Variants in COMMD6 observed in about 807,000 individuals in gnomAD.
COMMD6 encodes the protein COMM domain containing 6.
Under a neutral mutation model 13.4 loss-of-function variants are expected in COMMD6, and 11 were observed. The observed-to-expected ratio is 0.82, with a 90% CI of 0.52 to 1.36. The LOEUF (loss-of-function observed/expected upper bound fraction) is 1.36, where lower values mean the gene tolerates loss of function less well. Among genes scored for constraint, COMMD6 ranks in the 40% most tolerant of loss-of-function variants. COMMD6 has a pLI of 0.00. For missense variants in COMMD6, 124 were observed against 102.4 expected, an observed-to-expected ratio of 1.21 and a Z score of -0.91; for synonymous variants, 43 against 36.5, an observed-to-expected ratio of 1.18 and a Z score of -0.64.
At chr13:75,531,874 G>T (rs2030490288) in intron 2 of COMMD6, among the ~76,000 whole-genome samples, 1 of 152,144 alleles carries the variant, frequency 6.6e-6, no homozygotes, top group African/African-American at 2.4e-5. Context: ...AAAACTTTTT[G>T]AATATGTACA....
At position 75,530,284 on chromosome 13, in the gene COMMD6, A is replaced by G; in HGVS notation, c.55-18T>C. ...TCTACAAGCTTTAATAAGACAGGAC[A>G]AAATAATACATTAGTAGTAACATTA... is the stretch of plus-strand genomic sequence containing the variant. On this transcript the variant is annotated intron_variant, in intron 2 of 3. Transcript: ENST00000682242. The G allele has an allele frequency of 1.9e-6, 3 of 1,585,800 alleles. No individual in the cohort carries two copies. The highest frequency in any genetic ancestry group is 2.6e-6 in the Non-Finnish European group (3 of 1,162,764).
upstream of COMMD6, among the ~76,000 whole-genome samples, chr13:75,542,455 A>T (rs1234554084): frequency 1.3e-5 from 2 of 151,954 alleles, no homozygotes; most frequent in African/African-American, 4.8e-5. Flanking sequence ...ATGCCCAGCT[A>T]ATTTTGTATT....
At chr13:75,536,496 T>C (rs937854759) in intron 2 of COMMD6, among the ~76,000 whole-genome samples, 5 of 152,160 alleles carry the variant, frequency 3.3e-5, no homozygotes, top group Admixed American at 6.5e-5. Context: ...GATGTGGAGA[T>C]TTTCCTGGAT....
exon 1 of COMMD6, chr13:75,549,420 TCGGTTGACACTGCAAGAATGGGAAGGTG>T (rs2030986823): frequency 9.2e-6 from 2 of 217,754 alleles, no homozygotes; most frequent in Non-Finnish European, 1.8e-5. Context: ...CCTAGCGCAG[TCGGTTGACACTGCAAGAATGGGAAGGTG>T]CGGGTGACCA....
intron 1 of COMMD6, among the ~76,000 whole-genome samples, chr13:75,544,526 G>A (rs2030872726): frequency 6.6e-6 from 1 of 152,140 alleles, no homozygotes; most frequent in Non-Finnish European, 1.5e-5. Context: ...ACTTTGGGAG[G>A]CTGAGGTGGG....
intron 2 of COMMD6, among the ~76,000 whole-genome samples, chr13:75,536,591 G>A (rs889327706): frequency 6.6e-6 from 1 of 152,262 alleles, no homozygotes; most frequent in Non-Finnish European, 1.5e-5. Context: ...ATGTGACAAC[G>A]GAAGCAGAGG....
At chr13:75,532,018 TA>T in intron 2 of COMMD6, among the ~76,000 whole-genome samples, 1 of 152,350 alleles carries the variant, frequency 6.6e-6, no homozygotes, top group Non-Finnish European at 1.5e-5. Flanking sequence ...CAATTACACG[TA>T]AAACCAAAAA....
chr13:75,526,555 A>C lies in COMMD6; in HGVS notation c.*34T>G, dbSNP rs746017039. ...CCGAAAGTGAAGTCCATGACTTTAG[A>C]ATGATAGCAATTTATCAACCAAAGA... is the stretch of plus-strand genomic sequence containing the variant. On this transcript the variant is annotated 3_prime_UTR_variant, in exon 4 of 4. Transcript: ENST00000682242. The C allele has an allele frequency of 3.3e-6, 5 of 1,502,894 alleles. No homozygotes were observed. The East Asian group carries it at 1.2e-4, about 35-fold the overall frequency. The allele number at this position is 1,502,894 out of a possible 1,614,324, so 93.1% of individuals were successfully genotyped here.
At chr13:75,547,655 G>T (rs2030926616) in intron 1 of COMMD6, among the ~76,000 whole-genome samples, 1 of 152,144 alleles carries the variant, frequency 6.6e-6, no homozygotes, top group African/African-American at 2.4e-5. Flanking sequence ...GACGGTGTAG[G>T]TTAAACTGTA....
intron 1 of COMMD6, among the ~76,000 whole-genome samples, chr13:75,544,255 T>G (rs1479844394): frequency 2.0e-5 from 3 of 152,158 alleles, no homozygotes; most frequent in African/African-American, 7.2e-5. Flanking sequence ...TAGGCCAAAT[T>G]TGGCCTACTC....
In COMMD6 at chr13:75,526,417, A is replaced by G. The variant is rs1038043969; in HGVS notation, c.*172T>C. 5.7e-5 allele frequency: 30 copies of G among 526,366 alleles called. No individual in the cohort carries two copies. The Middle Eastern group carries it at 3.0e-3, about 53-fold the overall frequency. The allele number at this position is 526,366 out of a possible 1,614,324, so 32.6% of individuals were successfully genotyped here. ...ATAAAGCACATTCACAAAGTTTTGCATTCATCACCACTACCCAGTTCCTGT... is the reference window on the plus strand; with the variant it reads ...ATAAAGCACATTCACAAAGTTTTGCGTTCATCACCACTACCCAGTTCCTGT... On this transcript the variant is annotated 3_prime_UTR_variant, in exon 4 of 4. Transcript: ENST00000682242.
At chr13:75,532,983 T>C (rs1006666740) in intron 2 of COMMD6, among the ~76,000 whole-genome samples, 4 of 150,160 alleles carry the variant, frequency 2.7e-5, no homozygotes, top group African/African-American at 9.8e-5. Flanking sequence ...CAGGCTGGAG[T>C]GCAGTGGCAC....
At chr13:75,530,020 C>T in intron 3 of COMMD6, 94 bp downstream of exon 3, 1 of 962,610 alleles carries the variant, frequency 1.0e-6, no homozygotes, top group Non-Finnish European at 1.6e-6. Flanking sequence ...CAAATAAAAA[C>T]CATTAAAGTT....
chr13:75,529,471 A>G, intron 3 of COMMD6, among the ~76,000 whole-genome samples: 1 of 150,894 alleles, frequency 6.6e-6, no homozygotes, highest in Admixed American at 6.7e-5. Context: ...CAGTGAGCCA[A>G]GATCGTGCCA....
intron 3 of COMMD6, among the ~76,000 whole-genome samples, chr13:75,528,028 C>G (rs1010732978): frequency 7.0e-6 from 1 of 142,920 alleles, no homozygotes; most frequent in Non-Finnish European, 1.6e-5. Context: ...CACACACACA[C>G]ACACATACAT....
chr13:75,544,591 T>C (rs2030873845), intron 1 of COMMD6, among the ~76,000 whole-genome samples: 1 of 151,942 alleles, frequency 6.6e-6, no homozygotes, highest in African/African-American at 2.4e-5. Flanking sequence ...GGTGAAACCC[T>C]GTCTTTACTA....
At chr13:75,530,803 T>C (rs1390728462) in intron 2 of COMMD6, among the ~76,000 whole-genome samples, 1 of 152,206 alleles carries the variant, frequency 6.6e-6, no homozygotes, top group Non-Finnish European at 1.5e-5. Flanking sequence ...TTCAGAGAGC[T>C]TAGGTAATGT....
upstream of COMMD6, chr13:75,537,916 G>A: frequency 8.6e-7 from 1 of 1,161,544 alleles, no homozygotes. Flanking sequence ...ACGTAGCAGG[G>A]GAAGCTGAAA....
chr13:75,545,434 T>C (rs1484403563), intron 1 of COMMD6, among the ~76,000 whole-genome samples: 1 of 152,156 alleles, frequency 6.6e-6, no homozygotes, highest in Non-Finnish European at 1.5e-5. Flanking sequence ...TCAGGAATTA[T>C]AGTGACCATT....
Sources: gnomAD v4.1 joint callset for allele counts (sites outside exome capture counted in the v4.1 genomes callset) on GRCh38, gnomAD v4.1.1 for gene constraint, MANE v1.5 for transcripts, NCBI Gene and HGNC (gene_info 2026-07-23, HGNC 2026-07-21) for gene names.